The following CNTN4 variants were observed in gnomAD, a reference collection of about 807,000 sequenced individuals.
The protein encoded by CNTN4 is contactin 4.
In CNTN4, 77 loss-of-function variants were observed where a neutral mutation model predicts 122.5. The ratio of observed to expected loss-of-function variants is 0.63; its 90% CI spans 0.52 to 0.76. The LOEUF (loss-of-function observed/expected upper bound fraction) is 0.76. CNTN4 is among the 30% of genes least tolerant of loss of function. The pLI is 0.00. For synonymous variants in CNTN4, 512 were observed against 447.0 expected, an observed-to-expected ratio of 1.15 and a Z score of -1.83; for missense variants, 1,256 against 1,259.1, an observed-to-expected ratio of 1.00 and a Z score of 0.04.
rs1038863257 is a variant in CNTN4 at position 2,932,885 on chromosome 3, C to T, written c.1358+7106C>T. Among the ~76,000 whole-genome samples, 22 of 152,138 alleles carry T rather than the reference C, an allele frequency of 1.4e-4. 1 individual carries two copies. The highest frequency in any genetic ancestry group is 1.0e-3 in the South Asian group (5 of 4,824). ...TCGCCCAGGCTGGAGGGCAGTGGCG[C>T]GATCTCGGCTCCCTGCGAGCTCCGC... On this transcript the variant is annotated intron_variant, in intron 13 of 24. Transcript: ENST00000418658.
intron 2 of CNTN4, among the ~76,000 whole-genome samples, chr3:2,151,239 T>G (rs73095815): frequency 7.9e-5 from 12 of 152,190 alleles, no homozygotes; most frequent in African/African-American, 2.9e-4. Flanking sequence ...AGTAAATATT[T>G]TTGACTATGT....
rs372849181 is a variant in CNTN4, at chr3:2,315,139, A to C, written c.-144-24039A>C. On this transcript the variant is annotated intron_variant, in intron 2 of 24. Transcript: ENST00000418658. ...ATAGGACAGTTCACAGAATTAAAAG[A>C]ATTAGCTATGAACAGCTATGTAGAA... Among the ~76,000 whole-genome samples, 125 of 152,246 alleles carry C rather than the reference A, an allele frequency of 8.2e-4. 2 individuals carry two copies. In the Middle Eastern group the frequency reaches 0.01, roughly 12 times the overall value.
chr3:2,798,119 A>G (rs1576832120), intron 6 of CNTN4, among the ~76,000 whole-genome samples: 1 of 139,778 alleles, frequency 7.2e-6, no homozygotes, highest in African/African-American at 2.7e-5. Flanking sequence ...TTCACATTCT[A>G]TGTTGATATG....
intron 6 of CNTN4, among the ~76,000 whole-genome samples, chr3:2,773,223 A>C (rs1422646120): frequency 1.3e-5 from 2 of 152,130 alleles, no homozygotes; most frequent in African/African-American, 4.8e-5. Context: ...AGCTGAAGGG[A>C]GTGTAGAGTC....
chr3:2,300,230 C>T (rs1245733007), intron 2 of CNTN4, among the ~76,000 whole-genome samples: 1 of 152,132 alleles, frequency 6.6e-6, no homozygotes, highest in African/African-American at 2.4e-5. Context: ...GGATTTAGCT[C>T]ATTTTCTATC....
chr3:2,860,780 AGTCTATTG>A (rs1261121938), intron 7 of CNTN4, among the ~76,000 whole-genome samples: 2 of 152,206 alleles, frequency 1.3e-5, no homozygotes, highest in East Asian at 3.9e-4. Context: ...CAGAATCCAA[AGTCTATTG>A]GTCATTCTCT....
intron 2 of CNTN4, among the ~76,000 whole-genome samples, chr3:2,161,208 A>C (rs1223427335): frequency 6.6e-6 from 1 of 152,130 alleles, no homozygotes; most frequent in East Asian, 1.9e-4. Context: ...TGGCTGAAGC[A>C]AGGGGATGCT....
At chr3:2,675,163 G>T (rs892468543) in intron 4 of CNTN4, among the ~76,000 whole-genome samples, 1 of 151,308 alleles carries the variant, frequency 6.6e-6, no homozygotes, top group African/African-American at 2.4e-5. Flanking sequence ...TCCTCAGGTT[G>T]AAAAACACCC....
At chr3:2,310,619 A>C (rs1017671119) in intron 2 of CNTN4, among the ~76,000 whole-genome samples, 2 of 152,102 alleles carry the variant, frequency 1.3e-5, no homozygotes, top group Non-Finnish European at 2.9e-5. Context: ...TAAAACCTAC[A>C]CCATTACTTG....
chr3:2,731,620 G>C (rs1266417303), intron 4 of CNTN4, among the ~76,000 whole-genome samples: 1 of 152,132 alleles, frequency 6.6e-6, no homozygotes, highest in Non-Finnish European at 1.5e-5. Flanking sequence ...TTCCTAGAAG[G>C]GTGGAAAATC....
At chr3:2,497,889 T>C (rs1053576012) in intron 3 of CNTN4, among the ~76,000 whole-genome samples, 2 of 152,174 alleles carry the variant, frequency 1.3e-5, no homozygotes. Context: ...CGGCACCACA[T>C]AGACCATAAA....
Position 3,005,971 on chromosome 3 carries a change from T to C in CNTN4, c.1486+17499T>C, listed in dbSNP as rs534338836. ...CACGATCTCGGCTCACTGCCAGCTC[T>C]GCCTCCCAGGTTCACGCCATTCTCG... On this transcript the variant is annotated intron_variant, in intron 14 of 24. Coordinates refer to ENST00000418658, the MANE Select transcript of CNTN4 (RefSeq NM_175607.3). Among the ~76,000 whole-genome samples the C allele has an allele frequency of 4.6e-4, 69 of 151,646 alleles. No individual in the cohort carries two copies. The South Asian group carries it at 4.6e-3, about 10-fold the overall frequency.
In CNTN4 at chr3:2,163,956, A is replaced by AAG. The variant is rs557130780; in HGVS notation, c.-145+63324_-145+63325dup. Among the ~76,000 whole-genome samples the AAG allele has an allele frequency of 5.4e-3, 820 of 152,306 alleles. 9 individuals carry two copies. The highest frequency in any genetic ancestry group is 0.019 in the African/African-American group (770 of 41,560). The stretch of plus-strand genomic sequence containing the variant: ...GTATGGAGATTCCTTAAGGAACTAA[A>AAG]AGAGAGAGCTAAGCTGTGAGGCTGC... On this transcript the variant is annotated intron_variant, in intron 2 of 24. Transcript: ENST00000418658.
At chr3:2,800,338 G>A (rs1164061801) in intron 6 of CNTN4, among the ~76,000 whole-genome samples, 5 of 151,532 alleles carry the variant, frequency 3.3e-5, no homozygotes, top group African/African-American at 1.2e-4. Context: ...ATTTTTTTCG[G>A]GTCTAGACTG....
intron 3 of CNTN4, among the ~76,000 whole-genome samples, chr3:2,412,209 ATCC>A: frequency 6.6e-6 from 1 of 150,694 alleles, no homozygotes; most frequent in African/African-American, 2.4e-5. Context: ...CAATCTCTTC[ATCC>A]TCCTCCTAGT....
At chr3:2,377,878 G>C (rs772412254) in intron 3 of CNTN4, among the ~76,000 whole-genome samples, 1 of 151,978 alleles carries the variant, frequency 6.6e-6, no homozygotes, top group African/African-American at 2.4e-5. Flanking sequence ...CCAAAAGATT[G>C]GACACTCCTG....
intron 6 of CNTN4, among the ~76,000 whole-genome samples, chr3:2,816,118 G>A (rs561081244): frequency 6.6e-6 from 1 of 152,166 alleles, no homozygotes; most frequent in Non-Finnish European, 1.5e-5. Flanking sequence ...ACTTTGGGAG[G>A]CCAAGGCAGG....
At chr3:2,478,404 G>GTT (rs1281282556) in intron 3 of CNTN4, among the ~76,000 whole-genome samples, 6 of 16,102 alleles carry the variant, frequency 3.7e-4, no homozygotes, top group Non-Finnish European at 1.1e-3. Context: ...TTCTTTATCT[G>GTT]TTTGTTTTTT....
At chr3:2,126,753 A>C (rs1030525283) in intron 2 of CNTN4, among the ~76,000 whole-genome samples, 1 of 152,164 alleles carries the variant, frequency 6.6e-6, no homozygotes, top group Admixed American at 6.5e-5. Flanking sequence ...CTTACTTTAA[A>C]TGTGCTTTGG....
Sources: gnomAD v4.1 joint callset for allele counts (sites outside exome capture counted in the v4.1 genomes callset) on GRCh38, gnomAD v4.1.1 for gene constraint, MANE v1.5 for transcripts, NCBI Gene and HGNC (gene_info 2026-07-23, HGNC 2026-07-21) for gene names.